The following RAP1GAP2 variants were observed in gnomAD, a reference collection of about 807,000 sequenced individuals.
RAP1GAP2 encodes rap1 GTPase-activating protein 2.
Under a neutral mutation model 95.0 loss-of-function variants are expected in RAP1GAP2, and 27 were observed. That is an observed-to-expected ratio of 0.28 (90% CI 0.21 to 0.39). The LOEUF (loss-of-function observed/expected upper bound fraction) is 0.39. RAP1GAP2 is among the 10% of genes least tolerant of loss of function. The probability of loss-of-function intolerance (pLI) is 1.00; values close to 1 mark genes in which losing one functional copy is unlikely to be tolerated. For synonymous variants in RAP1GAP2, 373 were observed against 380.9 expected, an observed-to-expected ratio of 0.98 and a Z score of 0.24; for missense variants, 771 against 970.0, an observed-to-expected ratio of 0.79 and a Z score of 2.72.
chr17:2,875,318 C>T (rs967278266), intron 2 of RAP1GAP2, among the ~76,000 whole-genome samples: 21 of 152,148 alleles, frequency 1.4e-4, no homozygotes, highest in African/African-American at 4.6e-4. Context: ...CTGCCTGCCT[C>T]GGCCTCCCAA....
At chr17:2,759,480 C>T (rs1036693014) in intron 1 of RAP1GAP2, among the ~76,000 whole-genome samples, 5 of 152,070 alleles carry the variant, frequency 3.3e-5, no homozygotes, top group South Asian at 4.2e-4. Flanking sequence ...GACAGAGTCT[C>T]ACTCTTGTCG....
chr17:2,931,121 C>CAAAAAAA (rs67067799), intron 3 of RAP1GAP2, among the ~76,000 whole-genome samples: 4 of 67,156 alleles, frequency 6.0e-5, no homozygotes, highest in Non-Finnish European at 1.2e-4. Flanking sequence ...GACTCCATCT[C>CAAAAAAA]AAAAAAAAAA....
chr17:2,986,606 T>C (rs1567859332), intron 11 of RAP1GAP2, among the ~76,000 whole-genome samples: 2 of 151,974 alleles, frequency 1.3e-5, no homozygotes, highest in Admixed American at 1.3e-4. Context: ...TGGGGGACAT[T>C]TAATATGAAC....
Position 2,963,328 on chromosome 17 carries a change from A to T in RAP1GAP2, c.247-102A>T. 7.7e-7 allele frequency: 1 copy of T among 1,302,522 alleles called. No individual in the cohort carries two copies. The highest frequency in any genetic ancestry group is 1.1e-6 in the Non-Finnish European group (1 of 898,676). 80.7% of individuals were successfully genotyped at this position (1,302,522 alleles called of 1,614,324 possible). A position where few individuals can be genotyped will look rare whatever the true frequency, so the allele number is the denominator to read the frequency against. ...CTTCCATCGAATGTTCCTCCCTCAA[A>T]GCCCCCCCACAACATATCCCCCTTG... On this transcript the variant is annotated intron_variant, in intron 5 of 24. Coordinates refer to ENST00000254695, the MANE Select transcript of RAP1GAP2 (RefSeq NM_015085.5). This position sits in a 1 kb window ranked among gnomAD's most constrained non-coding sequence, Gnocchi z 4.8.
At chr17:2,949,857 C>G (rs1038534141) in intron 3 of RAP1GAP2, among the ~76,000 whole-genome samples, 1 of 152,178 alleles carries the variant, frequency 6.6e-6, no homozygotes, top group Non-Finnish European at 1.5e-5. Context: ...TGCAGCAAGT[C>G]GCTGAGAAGT....
At chr17:2,899,912 T>C (rs1304351022) in intron 2 of RAP1GAP2, among the ~76,000 whole-genome samples, 3 of 152,252 alleles carry the variant, frequency 2.0e-5, no homozygotes, top group Non-Finnish European at 4.4e-5. Flanking sequence ...ATCTGTTCGT[T>C]GGCGGATGGA....
Position 2,870,106 on chromosome 17 carries a change from G to A in RAP1GAP2, c.81-35178G>A, listed in dbSNP as rs1076165. 0.1 allele frequency among the ~76,000 whole-genome samples: 15,292 copies of A among 151,482 alleles called. 1,716 individuals are homozygous for A. Among genetic ancestry groups the A allele is most frequent in the East Asian group, 0.59 (2,966 of 5,064 alleles). ...CCTTCCTCAGAGTGCACTCTGTGCT[G>A]CTGCTTGACAATCTTTTTTTTTTTT... On this transcript the variant is annotated intron_variant, in intron 2 of 24. Coordinates refer to ENST00000254695, the MANE Select transcript of RAP1GAP2 (RefSeq NM_015085.5). This position sits in a 1 kb window ranked among gnomAD's most constrained non-coding sequence, Gnocchi z 4.4.
intron 2 of RAP1GAP2, among the ~76,000 whole-genome samples, chr17:2,837,430 G>A (rs117956519): frequency 0.011 from 1,624 of 151,992 alleles, 9 homozygotes; most frequent in Middle Eastern, 0.041. Context: ...TCAGCTAGAG[G>A]AAGGGGCCTG....
chr17:2,807,981 G>T (rs1047319950), intron 2 of RAP1GAP2, among the ~76,000 whole-genome samples: 2 of 152,202 alleles, frequency 1.3e-5, no homozygotes, highest in African/African-American at 4.8e-5. Context: ...CGGGAAGTTC[G>T]CACTGTTTCC....
At chr17:2,896,655 C>T (rs1234733550) in intron 2 of RAP1GAP2, among the ~76,000 whole-genome samples, 1 of 152,202 alleles carries the variant, frequency 6.6e-6, no homozygotes, top group Non-Finnish European at 1.5e-5. Context: ...GAGGGGGCCC[C>T]AGGTGCCCCC....
intron 2 of RAP1GAP2, among the ~76,000 whole-genome samples, chr17:2,772,045 AATGGC>A (rs1184119794): frequency 2.0e-5 from 3 of 151,974 alleles, no homozygotes; most frequent in African/African-American, 7.2e-5. Flanking sequence ...CCTGGAGTGC[AATGGC>A]ATGATCTTGG....
chr17:2,862,169 A>G (rs996808361), intron 2 of RAP1GAP2, among the ~76,000 whole-genome samples: 2 of 152,156 alleles, frequency 1.3e-5, no homozygotes, highest in African/African-American at 4.8e-5. Context: ...ACCGTCCTGA[A>G]GCTGGGGCCA....
rs972392224 is a variant in RAP1GAP2 at position 3,008,991 on chromosome 17, G to A, written c.1494+846G>A. 2.6e-5 allele frequency among the ~76,000 whole-genome samples: 4 copies of A among 152,148 alleles called. No homozygotes were observed. Among genetic ancestry groups the A allele is most frequent in the South Asian group, 2.1e-4 (1 of 4,834 alleles). Reference sequence around the variant, plus strand: ...CGCAGGTCTTCTGATTCTTAGGTCCGTGTGCTGCTGGATTGCCTGTTAGAA... The same window carrying A: ...CGCAGGTCTTCTGATTCTTAGGTCCATGTGCTGCTGGATTGCCTGTTAGAA... On this transcript the variant is annotated intron_variant, in intron 17 of 24. Transcript: ENST00000254695. The surrounding 1 kb of genome is among the most constrained non-coding windows in gnomAD (Gnocchi z 4.2).
chr17:3,005,871 G>A lies in RAP1GAP2; in HGVS notation c.1273-84G>A. ...TTCAGGGGTTCTCCCCATGGCCCCG[G>A]CTCTGCCTGCCTGTCACTGTGGCTG... On this transcript the variant is annotated intron_variant, in intron 15 of 24. Coordinates refer to ENST00000254695, the MANE Select transcript of RAP1GAP2 (RefSeq NM_015085.5). This position sits in a 1 kb window ranked among gnomAD's most constrained non-coding sequence, Gnocchi z 5.2. The A allele has an allele frequency of 1.5e-6, 2 of 1,321,254 alleles. No homozygotes were observed. Among genetic ancestry groups the A allele is most frequent in the Non-Finnish European group, 1.1e-6 (1 of 913,540 alleles). 81.8% of individuals were successfully genotyped at this position (1,321,254 alleles called of 1,614,324 possible). A position where few individuals can be genotyped will look rare whatever the true frequency, so the allele number is the denominator to read the frequency against.
chr17:2,923,894 C>T (rs2042873645), intron 3 of RAP1GAP2, among the ~76,000 whole-genome samples: 3 of 152,192 alleles, frequency 2.0e-5, no homozygotes. Context: ...TAAATGAGAT[C>T]ACACTGTTTG....
chr17:3,026,593 C>A, intron 21 of RAP1GAP2, 129 bp downstream of exon 21: 1 of 871,176 alleles, frequency 1.1e-6, no homozygotes, highest in Non-Finnish European at 1.7e-6. Flanking sequence ...AGAATGGAAA[C>A]GAGAGGTGGG....
At chr17:2,896,715 C>T (rs536110012) in intron 2 of RAP1GAP2, among the ~76,000 whole-genome samples, 10 of 152,314 alleles carry the variant, frequency 6.6e-5, no homozygotes, top group African/African-American at 1.2e-4. Context: ...GTGGTCTGCC[C>T]GTAGGGTCCT....
At chr17:2,920,003 CTTTTTTCTTTTT>C (rs2042700786) in intron 3 of RAP1GAP2, among the ~76,000 whole-genome samples, 1 of 133,984 alleles carries the variant, frequency 7.5e-6, no homozygotes, top group African/African-American at 3.3e-5. Context: ...ATCTGGCCTC[CTTTTTTCTTTTT>C]TTTTTTTTTT....
At chr17:2,909,593 T>C (rs2042305196) in intron 3 of RAP1GAP2, among the ~76,000 whole-genome samples, 1 of 152,224 alleles carries the variant, frequency 6.6e-6, no homozygotes, top group Non-Finnish European at 1.5e-5. Flanking sequence ...CTGCCCCTGC[T>C]GCGCTCTCCC....
Sources: gnomAD v4.1 joint callset for allele counts (sites outside exome capture counted in the v4.1 genomes callset) on GRCh38, gnomAD v4.1.1 for gene constraint, Gnocchi (gnomAD v3.1) non-coding constraint, MANE v1.5 for transcripts, NCBI Gene and HGNC (gene_info 2026-07-23, HGNC 2026-07-21) for gene names.